USP46: variants seen among roughly 807,000 people sequenced by gnomAD.
USP46 encodes ubiquitin specific peptidase 46.
USP46 carries 12 observed loss-of-function variants against 44.4 expected under a neutral mutation model. The ratio of observed to expected loss-of-function variants is 0.27; its 90% CI spans 0.17 to 0.44. USP46 has a LOEUF of 0.44. Ranked by LOEUF, USP46 falls within the 20% of genes least tolerant of loss-of-function variation. The pLI is 1.00. For missense variants in USP46, 248 were observed against 444.8 expected (o/e 0.56, Z 3.98); for synonymous variants, 155 against 161.5 (o/e 0.96, Z 0.31).
chr4:52,643,792 T>G (rs568019543), intron 1 of USP46, among the ~76,000 whole-genome samples: 2 of 152,082 alleles, frequency 1.3e-5, no homozygotes, highest in Admixed American at 1.3e-4. Flanking sequence ...ATTCTACACA[T>G]GAAAAAAATG....
rs375582840 is a variant in USP46, at chr4:52,617,724, TTTG to T, written c.562-7110_562-7108del. Among the ~76,000 whole-genome samples, 804 of 152,232 alleles carry T rather than the reference TTTG, an allele frequency of 5.3e-3. 11 individuals are homozygous for T. Among genetic ancestry groups the T allele is most frequent in the African/African-American group, 0.018 (765 of 41,538 alleles). On this transcript the variant is annotated intron_variant, in intron 4 of 8. Coordinates refer to ENST00000441222, the MANE Select transcript of USP46 (RefSeq NM_022832.4). Reference sequence around the variant, plus strand: ...TGGTTTGGGGGTTCTGTGGGGTTTTTTTGTTGTTGTTGGGTTTTCTTGCTTCTC... The same window carrying T: ...TGGTTTGGGGGTTCTGTGGGGTTTTTTTGTTGTTGGGTTTTCTTGCTTCTC...
chr4:52,617,190 CT>C (rs1717187495), intron 4 of USP46, among the ~76,000 whole-genome samples: 1 of 152,158 alleles, frequency 6.6e-6, no homozygotes, highest in Non-Finnish European at 1.5e-5. Flanking sequence ...AGAATCATGA[CT>C]TTTTTATTCA....
chr4:52,611,964 GC>G (rs1273060193), intron 4 of USP46, among the ~76,000 whole-genome samples: 1 of 152,144 alleles, frequency 6.6e-6, no homozygotes, highest in African/African-American at 2.4e-5. Flanking sequence ...TCCCGTCTCT[GC>G]CGTTTATATA....
chr4:52,659,240 C>A lies in USP46; in HGVS notation c.-90G>T. 2.4e-6 allele frequency: 3 copies of A among 1,272,836 alleles called. No homozygotes were observed. The highest frequency in any genetic ancestry group is 3.1e-6 in the Non-Finnish European group (3 of 978,680). 78.8% of individuals were successfully genotyped at this position (1,272,836 alleles called of 1,614,324 possible). A position where few individuals can be genotyped will look rare whatever the true frequency, so the allele number is the denominator to read the frequency against. On this transcript the variant is annotated 5_prime_UTR_variant, in exon 1 of 9. Coordinates refer to ENST00000441222, the MANE Select transcript of USP46 (RefSeq NM_022832.4). The surrounding 1 kb of genome is among the most constrained non-coding windows in gnomAD (Gnocchi z 4.2). ...GTGGCGCGCTGGCGGGGAGGCCGGG[C>A]GGCAGCGCGGCGGCCTGGGGTCCGG...
intron 2 of USP46, 66 bp downstream of exon 2, chr4:52,630,998 C>T (rs1194306184): frequency 1.9e-5 from 26 of 1,365,044 alleles, no homozygotes; most frequent in Admixed American, 1.1e-4. Flanking sequence ...TAAAAATGCA[C>T]TTAAAGTGGA....
intron 5 of USP46, among the ~76,000 whole-genome samples, chr4:52,605,794 A>G (rs1577661264): frequency 6.6e-6 from 1 of 152,094 alleles, no homozygotes; most frequent in Non-Finnish European, 1.5e-5. Flanking sequence ...GCACTTATCC[A>G]CCCTGCCTCC....
intron 1 of USP46, among the ~76,000 whole-genome samples, chr4:52,638,258 C>T (rs1381702036): frequency 1.3e-5 from 2 of 151,936 alleles, no homozygotes; most frequent in South Asian, 2.1e-4. Flanking sequence ...AGAGGTCAGA[C>T]GGAGAGACTG....
chr4:52,652,949 G>A (rs1199417222), intron 1 of USP46, among the ~76,000 whole-genome samples: 1 of 152,122 alleles, frequency 6.6e-6, no homozygotes, highest in Non-Finnish European at 1.5e-5. Flanking sequence ...AAAAGTATCT[G>A]AGGGTTCTAA....
In USP46 at chr4:52,591,638, T is replaced by C. The variant is rs1716014670; in HGVS notation, c.*6002A>G. The stretch of plus-strand genomic sequence containing the variant: ...GTCTTTTCTATACAATCTAATGTCA[T>C]TTCTGACTCTGGTATCTCATAACCA... On this transcript the variant is annotated 3_prime_UTR_variant, in exon 9 of 9. Transcript: ENST00000441222. 1 of 152,248 alleles carries C rather than the reference T, an allele frequency of 6.6e-6. No individual in the cohort carries two copies. Among genetic ancestry groups the C allele is most frequent in the Admixed American group, 6.5e-5 (1 of 15,288 alleles). 9.4% of individuals were successfully genotyped at this position (152,248 alleles called of 1,614,324 possible). A position where few individuals can be genotyped will look rare whatever the true frequency, so the allele number is the denominator to read the frequency against.
intron 4 of USP46, among the ~76,000 whole-genome samples, chr4:52,621,474 G>A (rs1717373078): frequency 2.0e-5 from 3 of 152,036 alleles, no homozygotes; most frequent in Admixed American, 2.0e-4. Context: ...TGACCAACTT[G>A]GTAAAACCTC....
chr4:52,604,396 A>G (rs1716594923), intron 6 of USP46, 105 bp downstream of exon 6: 8 of 904,786 alleles, frequency 8.8e-6, no homozygotes, highest in Non-Finnish European at 1.4e-5. Context: ...CTCCATGGCT[A>G]CAAGCCCAGG....
chr4:52,650,138 A>G (rs959510225), intron 1 of USP46, among the ~76,000 whole-genome samples: 2 of 152,226 alleles, frequency 1.3e-5, no homozygotes, highest in Non-Finnish European at 2.9e-5. Flanking sequence ...TGAGCAAAGA[A>G]GACAGAAGCA....
At position 52,636,583 on chromosome 4, in the gene USP46, G is replaced by A. The variant is rs1718123651; in HGVS notation, c.37-5439C>T. On this transcript the variant is annotated intron_variant, in intron 1 of 8. Transcript: ENST00000441222. ...TAGCCGGGCATGATAGCAGGCACCT[G>A]TAGTCCCAGCTACTTGGGAGGCTGA... 2.0e-5 allele frequency among the ~76,000 whole-genome samples: 3 copies of A among 151,396 alleles called. No homozygotes were observed. The South Asian group carries it at 6.3e-4, about 32-fold the overall frequency.
At chr4:52,601,760 G>A (rs1716481992) in intron 7 of USP46, 97 bp downstream of exon 7, 9 of 1,298,366 alleles carry the variant, frequency 6.9e-6, no homozygotes, top group Admixed American at 2.9e-5. Flanking sequence ...CAAAACTATT[G>A]AGTGCCACGG....
chr4:52,620,289 T>C (rs1363008594), intron 4 of USP46, among the ~76,000 whole-genome samples: 1 of 152,180 alleles, frequency 6.6e-6, no homozygotes, highest in Non-Finnish European at 1.5e-5. Flanking sequence ...AGAGTAAAGA[T>C]GGATTTAGCA....
chr4:52,601,649 G>T (rs1475935962), intron 7 of USP46, among the ~76,000 whole-genome samples: 1 of 152,132 alleles, frequency 6.6e-6, no homozygotes, highest in African/African-American at 2.4e-5. Flanking sequence ...TCTCATGATA[G>T]AACATTTAGA....
intron 5 of USP46, among the ~76,000 whole-genome samples, chr4:52,607,912 C>G (rs2109603121): frequency 6.6e-6 from 1 of 152,286 alleles, no homozygotes; most frequent in South Asian, 2.1e-4. Flanking sequence ...CCAATTAAAC[C>G]TCTTTTCTTT....
intron 4 of USP46, among the ~76,000 whole-genome samples, chr4:52,611,120 G>A (rs1716918137): frequency 6.6e-6 from 1 of 152,216 alleles, no homozygotes; most frequent in Non-Finnish European, 1.5e-5. Context: ...GACAGGCAAT[G>A]GGCTGGAGAA....
rs1716087117 is a variant in USP46 at position 52,593,030 on chromosome 4, C to G, written c.*4610G>C. On this transcript the variant is annotated 3_prime_UTR_variant, in exon 9 of 9. Transcript: ENST00000441222. ...TTAAACCTCTTTTCTTCAGAAATGA[C>G]CCACGCTCAGGTATGTCTTTATAGC... is the stretch of plus-strand genomic sequence containing the variant. The G allele has an allele frequency of 2.0e-5, 8 of 398,014 alleles. No homozygotes were observed. Among genetic ancestry groups the G allele is most frequent in the Non-Finnish European group, 3.5e-5 (8 of 225,926 alleles). 24.7% of individuals were successfully genotyped at this position (398,014 alleles called of 1,614,324 possible). A position where few individuals can be genotyped will look rare whatever the true frequency, so the allele number is the denominator to read the frequency against.
Sources: gnomAD v4.1 joint callset for allele counts (sites outside exome capture counted in the v4.1 genomes callset) on GRCh38, gnomAD v4.1.1 for gene constraint, Gnocchi (gnomAD v3.1) non-coding constraint, MANE v1.5 for transcripts, NCBI Gene and HGNC (gene_info 2026-07-23, HGNC 2026-07-21) for gene names.